The following MTG1 variants were observed in gnomAD, a reference collection of about 807,000 sequenced individuals.
MTG1 encodes mitochondrial ribosome-associated GTPase 1.
A neutral mutation model predicts 39.5 loss-of-function variants in MTG1; 30 were observed. That is an observed-to-expected ratio of 0.76 (90% confidence interval 0.57 to 1.03). The LOEUF (loss-of-function observed/expected upper bound fraction) is 1.03, where lower values mean the gene tolerates loss of function less well. Ranked by LOEUF, MTG1 falls within the 50% of genes least tolerant of loss-of-function variation. The pLI, the probability that MTG1 is intolerant of heterozygous loss-of-function variation, is 0.00. For synonymous variants in MTG1, 217 were observed against 179.0 expected (o/e 1.21, Z -1.69); for missense variants, 513 against 447.4 (o/e 1.15, Z -1.32).
At chr10:133,401,480 C>T in intron 6 of MTG1, 49 bp from the exon 7 acceptor site, 1 of 1,477,736 alleles carries the variant, frequency 6.8e-7, no homozygotes, top group Non-Finnish European at 9.1e-7. Flanking sequence ...TGTTCTGCAG[C>T]TTCTGTGTTT....
At position 133,420,691 on chromosome 10, in the gene MTG1, C is replaced by T. The variant is rs776361707; in HGVS notation, c.*526C>T. 10 of 152,930 alleles carry T rather than the reference C, an allele frequency of 6.5e-5. No individual in the cohort carries two copies. Among genetic ancestry groups the T allele is most frequent in the Admixed American group, 2.6e-4 (4 of 15,298 alleles). The allele number at this position is 152,930 out of a possible 1,614,324, so 9.5% of individuals were successfully genotyped here. On this transcript the variant is annotated 3_prime_UTR_variant, in exon 11 of 11. Coordinates refer to ENST00000317502, the MANE Select transcript of MTG1 (RefSeq NM_138384.4). Reference sequence around the variant, plus strand: ...TGCCATCAGAGAGGTTTATTTCACACTTACAGGCACACACAGACACAGACC... The same window carrying T: ...TGCCATCAGAGAGGTTTATTTCACATTTACAGGCACACACAGACACAGACC...
rs1849821906 is a variant in MTG1, at chr10:133,398,533, GCTCT to G, written c.363+23_363+26del. The stretch of plus-strand genomic sequence containing the variant: ...TCAAGCAGGTAGGCTTTTCGTCTGT[GCTCT>G]CTCTGACGCTTCTGCTTCAGTAGGT... On this transcript the variant is annotated intron_variant, in intron 4 of 10. Coordinates refer to ENST00000317502, the MANE Select transcript of MTG1 (RefSeq NM_138384.4). 3 of 1,609,484 alleles carry G rather than the reference GCTCT, an allele frequency of 1.9e-6. No individual in the cohort carries two copies. Among genetic ancestry groups the G allele is most frequent in the Non-Finnish European group, 2.5e-6 (3 of 1,178,534 alleles).
At chr10:133,395,322 C>G (rs113771293) in intron 1 of MTG1, among the ~76,000 whole-genome samples, 3 of 152,236 alleles carry the variant, frequency 2.0e-5, no homozygotes, top group African/African-American at 7.2e-5. Flanking sequence ...TTGAACCTGG[C>G]AGGCGGAGGT....
chr10:133,412,569 A>G (rs1301481846), intron 9 of MTG1, among the ~76,000 whole-genome samples: 1 of 152,192 alleles, frequency 6.6e-6, no homozygotes, highest in Non-Finnish European at 1.5e-5. Flanking sequence ...CTTCAATACA[A>G]TTGACAGGTT....
At position 133,402,864 on chromosome 10, in the gene MTG1, TA is replaced by T. The variant is rs1849907004; in HGVS notation, c.752+94del. The stretch of plus-strand genomic sequence containing the variant: ...ACAAACAAAAAAACCCCCAGCATTA[TA>T]AAGGTATTATAAACACGGTAACCTG... On this transcript the variant is annotated intron_variant, in intron 9 of 10. Transcript: ENST00000317502. This position sits in a 1 kb window ranked among gnomAD's most constrained non-coding sequence, Gnocchi z 4.7. The T allele has an allele frequency of 1.0e-6, 1 of 998,634 alleles. No homozygotes were observed. Among genetic ancestry groups the T allele is most frequent in the East Asian group, 2.6e-5 (1 of 38,336 alleles). The allele number at this position is 998,634 out of a possible 1,614,324, so 61.9% of individuals were successfully genotyped here. A position where few individuals can be genotyped will look rare whatever the true frequency, so the allele number is the denominator to read the frequency against.
At chr10:133,408,467 T>C (rs902773137) in intron 9 of MTG1, among the ~76,000 whole-genome samples, 2 of 152,248 alleles carry the variant, frequency 1.3e-5, no homozygotes, top group African/African-American at 4.8e-5. Flanking sequence ...TGGTCATTTG[T>C]TGAGGATTTC....
At chr10:133,418,402 G>A (rs1390805574) in intron 9 of MTG1, among the ~76,000 whole-genome samples, 1 of 151,650 alleles carries the variant, frequency 6.6e-6, no homozygotes, top group African/African-American at 2.4e-5. Context: ...TTAGATTATT[G>A]GAAACAGTCC....
At chr10:133,398,410 CAT>C (rs748350501) in intron 3 of MTG1, 23 bp from the exon 4 acceptor site, 43 of 1,607,058 alleles carry the variant, frequency 2.7e-5, no homozygotes, top group Middle Eastern at 1.7e-4. Context: ...AAAAAAGTAA[CAT>C]AGAAATGTTT....
intron 4 of MTG1, 72 bp from the exon 5 acceptor site, chr10:133,399,098 G>A (rs1849829777): frequency 1.1e-5 from 17 of 1,523,380 alleles, no homozygotes; most frequent in Non-Finnish European, 6.4e-6. Context: ...CCTGTTCTGA[G>A]GTGGCAGAAG....
intron 2 of MTG1, 101 bp downstream of exon 2, chr10:133,395,878 T>C: frequency 8.3e-7 from 1 of 1,211,222 alleles, no homozygotes; most frequent in Non-Finnish European, 1.2e-6. Context: ...CGAGGCCCCT[T>C]TCTAGACCAG....
At chr10:133,417,689 A>G (rs1005451438) in intron 9 of MTG1, among the ~76,000 whole-genome samples, 3 of 152,316 alleles carry the variant, frequency 2.0e-5, no homozygotes, top group East Asian at 3.9e-4. Flanking sequence ...GTCTCAGGAT[A>G]CAAAATCAAT....
At chr10:133,419,632 C>T (rs1406795656) in intron 10 of MTG1, 40 bp downstream of exon 10, 5 of 1,522,310 alleles carry the variant, frequency 3.3e-6, no homozygotes, top group Admixed American at 3.8e-5. Flanking sequence ...AGCCTCACCC[C>T]ATCACCCTGG....
chr10:133,409,652 C>T (rs1850017221), intron 9 of MTG1, among the ~76,000 whole-genome samples: 1 of 152,150 alleles, frequency 6.6e-6, no homozygotes, highest in East Asian at 1.9e-4. Flanking sequence ...TTGCACTCTG[C>T]CTCTCACTTT....
intron 3 of MTG1, among the ~76,000 whole-genome samples, chr10:133,397,777 CTGTT>C (rs1224912871): frequency 7.7e-6 from 1 of 129,516 alleles, no homozygotes; most frequent in Non-Finnish European, 1.6e-5. Context: ...TGCGTCCAGC[CTGTT>C]TTTTTTTTTT....
At chr10:133,407,465 C>T (rs555686183) in intron 9 of MTG1, among the ~76,000 whole-genome samples, 3 of 151,964 alleles carry the variant, frequency 2.0e-5, no homozygotes, top group Admixed American at 6.5e-5. Flanking sequence ...TTTCTTTTAT[C>T]AGTGTTTTAT....
In MTG1 at chr10:133,395,720, G is replaced by A. The variant is rs775815095; in HGVS notation, c.120G>A (p.Lys40=). The A allele has an allele frequency of 6.2e-7, 1 of 1,614,092 alleles. No homozygotes were observed. The highest frequency in any genetic ancestry group is 1.7e-5 in the Admixed American group (1 of 60,014). ...CGTCCTTCTGTTTTCCAGGGCTGAA[G>A]AAGATGCAGAGCAGCCTGAAGCTGG... ...WFPGHMAKGL[K]KMQSSLKLVD... is the part of the protein sequence containing the mutation. Residue 40 remains lysine, a synonymous_variant, in exon 2 of 11, where the codon AAG becomes AAA. Transcript: ENST00000317502.
At position 133,402,305 on chromosome 10, in the gene MTG1, T is replaced by G; in HGVS notation, c.670+60T>G. 6.3e-7 allele frequency: 1 copy of G among 1,597,430 alleles called. No individual in the cohort carries two copies. The highest frequency in any genetic ancestry group is 1.3e-5 in the African/African-American group (1 of 74,792). On this transcript the variant is annotated intron_variant, in intron 8 of 10. Transcript: ENST00000317502. The surrounding 1 kb of genome is among the most constrained non-coding windows in gnomAD (Gnocchi z 4.7). ...ACCGGGGCCCCTGCCACCCCACCTT[T>G]AGGGCTGGCTTTGGCACAGGGCCCC...
chr10:133,413,814 A>T (rs1850079789), intron 9 of MTG1, among the ~76,000 whole-genome samples: 1 of 151,848 alleles, frequency 6.6e-6, no homozygotes, highest in African/African-American at 2.4e-5. Context: ...TCTTTCCTTC[A>T]TACAGTTATC....
intron 6 of MTG1, among the ~76,000 whole-genome samples, chr10:133,400,073 T>G (rs1435393414): frequency 1.3e-5 from 2 of 151,992 alleles, no homozygotes; most frequent in Non-Finnish European, 2.9e-5. Flanking sequence ...GCACCTGTAG[T>G]CCCAGCCACT....
Sources: gnomAD v4.1 joint callset for allele counts (sites outside exome capture counted in the v4.1 genomes callset) on GRCh38, gnomAD v4.1.1 for gene constraint, Gnocchi (gnomAD v3.1) non-coding constraint, MANE v1.5 for transcripts, NCBI Gene and HGNC (gene_info 2026-07-23, HGNC 2026-07-21) for gene names.